ROBO1: variants seen among roughly 807,000 people sequenced by gnomAD.
The protein encoded by ROBO1 is roundabout guidance receptor 1.
In ROBO1, 149 loss-of-function variants were observed where a neutral mutation model predicts 195.9. The observed-to-expected ratio is 0.76, with a 90% CI of 0.67 to 0.87. The LOEUF (loss-of-function observed/expected upper bound fraction) is 0.87, where lower values mean the gene tolerates loss of function less well. Among genes scored for constraint, ROBO1 ranks in the 40% least tolerant of loss-of-function variants. The pLI is 0.00. For synonymous variants in ROBO1, 816 were observed against 733.2 expected (o/e 1.11, Z -1.82); for missense variants, 1,933 against 2,068.3 (o/e 0.93, Z 1.27).
At position 79,104,532 on chromosome 3, in the gene ROBO1, T is replaced by A. The variant is rs529525864; in HGVS notation, c.172+20924A>T. Among the ~76,000 whole-genome samples, 56 of 151,870 alleles carry A rather than the reference T, an allele frequency of 3.7e-4. 1 individual carries two copies. In the South Asian group the frequency reaches 7.5e-3, roughly 20 times the overall value. On this transcript the variant is annotated intron_variant, in intron 3 of 30. Transcript: ENST00000464233. ...GACACCTGGTTTAGCACCTTCTGATTTTTTTTATTATTAGTTCTTATTGAG... is the reference window on the plus strand; with the variant it reads ...GACACCTGGTTTAGCACCTTCTGATATTTTTTATTATTAGTTCTTATTGAG...
chr3:78,788,438 TTTA>T (rs1477795178), intron 4 of ROBO1, among the ~76,000 whole-genome samples: 4 of 134,512 alleles, frequency 3.0e-5, no homozygotes, highest in African/African-American at 1.1e-4. Flanking sequence ...TTTTTTTTTT[TTTA>T]AAAAAAAAAA....
intron 2 of ROBO1, among the ~76,000 whole-genome samples, chr3:79,418,512 C>T (rs2038097620): frequency 6.6e-6 from 1 of 152,134 alleles, no homozygotes; most frequent in Admixed American, 6.6e-5. Flanking sequence ...TTCAGTAGAA[C>T]AGCTATTTTT....
chr3:78,670,091 G>C lies in ROBO1; in HGVS notation c.1548+5C>G, dbSNP rs1285294458. 6.3e-7 allele frequency: 1 copy of C among 1,579,650 alleles called. No individual in the cohort carries two copies. Among genetic ancestry groups the C allele is most frequent in the South Asian group, 1.1e-5 (1 of 88,194 alleles). ...CAAGAAACGCAAGGTGCCATTCCAA[G>C]TTACCTTAGCATATCGGATCTGCAG... On this transcript the variant is annotated splice_donor_5th_base_variant and intron_variant, in intron 11 of 30. Coordinates refer to ENST00000464233, the MANE Select transcript of ROBO1 (RefSeq NM_002941.4).
intron 2 of ROBO1, among the ~76,000 whole-genome samples, chr3:79,504,099 A>T (rs1045941458): frequency 6.6e-6 from 1 of 152,166 alleles, no homozygotes; most frequent in Non-Finnish European, 1.5e-5. Flanking sequence ...AAAATTAACA[A>T]TTATAACAAT....
chr3:79,214,715 CTA>C (rs1478729099), intron 2 of ROBO1, among the ~76,000 whole-genome samples: 3 of 146,216 alleles, frequency 2.1e-5, no homozygotes, highest in Non-Finnish European at 1.5e-5. Context: ...TTAGTAATTG[CTA>C]TATATATATA....
chr3:79,344,009 C>T (rs2035010857), intron 2 of ROBO1, among the ~76,000 whole-genome samples: 1 of 152,016 alleles, frequency 6.6e-6, no homozygotes, highest in South Asian at 2.1e-4. Flanking sequence ...AGGAAAAAAG[C>T]CCAGGAACTG....
chr3:79,587,571 A>T (rs951628839), intron 2 of ROBO1, among the ~76,000 whole-genome samples: 1 of 151,560 alleles, frequency 6.6e-6, no homozygotes, highest in African/African-American at 2.4e-5. Context: ...GATGAAGGAG[A>T]TTTTTTTTCT....
intron 1 of ROBO1, among the ~76,000 whole-genome samples, chr3:79,734,837 C>A (rs1703310975): frequency 6.6e-6 from 1 of 152,058 alleles, no homozygotes; most frequent in Non-Finnish European, 1.5e-5. Flanking sequence ...CTCTCAATCA[C>A]AATGGAATAA....
chr3:79,618,441 C>G (rs555518858), intron 1 of ROBO1, among the ~76,000 whole-genome samples: 1 of 152,080 alleles, frequency 6.6e-6, no homozygotes, highest in Non-Finnish European at 1.5e-5. Context: ...ATTTGTCCTG[C>G]CCCACCCTAA....
intron 2 of ROBO1, among the ~76,000 whole-genome samples, chr3:79,258,287 A>T (rs536482463): frequency 6.6e-6 from 1 of 152,284 alleles, no homozygotes; most frequent in African/African-American, 2.4e-5. Flanking sequence ...TTTTTCTCAG[A>T]AAATAGTGTA....
At chr3:79,442,260 G>T (rs537576293) in intron 2 of ROBO1, among the ~76,000 whole-genome samples, 3 of 152,156 alleles carry the variant, frequency 2.0e-5, no homozygotes, top group East Asian at 1.9e-4. Context: ...TTATCAGCCT[G>T]TATTGAGTAG....
At chr3:78,607,246 T>C in intron 28 of ROBO1, 3 of 563,254 alleles carry the variant, frequency 5.3e-6, no homozygotes, top group Non-Finnish European at 9.2e-6. Context: ...AGGGTCTTAC[T>C]CTGTCATTCA....
At chr3:79,019,575 G>C in intron 3 of ROBO1, 1 of 984,854 alleles carries the variant, frequency 1.0e-6, no homozygotes, top group East Asian at 1.1e-4. Context: ...TATTCTCCAG[G>C]CGCTGGTCAG....
At position 78,938,725 on chromosome 3, in the gene ROBO1, T is replaced by A; in HGVS notation, c.375A>T (p.Gly125=). The A allele has an allele frequency of 6.2e-7, 1 of 1,613,912 alleles. No homozygotes were observed. Among genetic ancestry groups the A allele is most frequent in the Non-Finnish European group, 8.5e-7 (1 of 1,179,886 alleles). The change falls in exon 4 of 31, where the codon GGA becomes GGT. Residue 125 remains glycine, a synonymous_variant. Transcript: ENST00000464233. ...PRSHRMLLPS[G]SLFFLRIVHG... is the part of the protein sequence containing the mutation. ...GTACTATACGTAAGAAAAATAAAGA[T>A]CCACTCGGCAGCAACATTCGGTGTG...
chr3:78,679,652 A>G (rs2080839788), intron 10 of ROBO1, among the ~76,000 whole-genome samples: 1 of 152,224 alleles, frequency 6.6e-6, no homozygotes, highest in Non-Finnish European at 1.5e-5. Flanking sequence ...GGAGAACTAC[A>G]AACCACTCAC....
At chr3:79,270,711 C>A (rs1297355002) in intron 2 of ROBO1, among the ~76,000 whole-genome samples, 1 of 151,966 alleles carries the variant, frequency 6.6e-6, no homozygotes, top group East Asian at 1.9e-4. Flanking sequence ...AGCTCTAGGG[C>A]TGCCAATTTA....
chr3:78,600,152 T>C lies in ROBO1; in HGVS notation c.4902A>G (p.Gly1634=), dbSNP rs1283714557. 1.2e-6 allele frequency: 2 copies of C among 1,613,356 alleles called. No individual in the cohort carries two copies. The highest frequency in any genetic ancestry group is 8.5e-7 in the Non-Finnish European group (1 of 1,179,520). ...TATTATCTTCTCCTCTTTCATATCC[T>C]CCAAGTACCTGCATTTCTGCAATAT... The part of the protein sequence containing the change: ...RRNIAEMQVL[G]GYERGEDNNE... Residue 1634 remains glycine (G), a synonymous_variant, in exon 30 of 31, where the codon GGA becomes GGG. Transcript: ENST00000464233.
chr3:79,397,748 T>C (rs2037207609), intron 2 of ROBO1, among the ~76,000 whole-genome samples: 1 of 152,162 alleles, frequency 6.6e-6, no homozygotes, highest in Admixed American at 6.5e-5. Context: ...TTAATGATAA[T>C]AAAGTTTTGA....
At chr3:79,452,303 C>T (rs983120804) in intron 2 of ROBO1, among the ~76,000 whole-genome samples, 1 of 152,146 alleles carries the variant, frequency 6.6e-6, no homozygotes, top group Admixed American at 6.6e-5. Flanking sequence ...CATCAACCCT[C>T]GTATCTTCAT....
Sources: allele counts gnomAD v4.1 joint callset (sites outside exome capture counted in the v4.1 genomes callset), GRCh38; gene constraint gnomAD v4.1.1; transcripts MANE v1.5; gene names NCBI Gene and HGNC (gene_info 2026-07-23, HGNC 2026-07-21).